Variants in DMD observed in about 807,000 individuals in gnomAD.
DMD encodes mutant dystrophin.
In DMD, 63 loss-of-function variants were observed where a neutral mutation model predicts 330.1. The ratio of observed to expected loss-of-function variants is 0.19; its 90% CI spans 0.16 to 0.24. DMD has a LOEUF of 0.24. DMD is among the 10% of genes least tolerant of loss of function. DMD has a pLI of 1.00. For synonymous variants in DMD, 1,223 were observed against 959.8 expected (o/e 1.27, Z -5.07); for missense variants, 3,344 against 2,684.1 (o/e 1.25, Z -5.43).
chrX:32,617,166 T>C (rs1389752287), intron 11 of DMD, among the ~76,000 whole-genome samples: 3 of 110,545 alleles, frequency 2.7e-5, no homozygotes, highest in Non-Finnish European at 5.7e-5. Context: ...TAGAAAACTA[T>C]GGGCATTTGC....
intron 20 of DMD, among the ~76,000 whole-genome samples, chrX:32,490,329 G>A (rs1327096918): frequency 8.9e-6 from 1 of 111,886 alleles, no homozygotes; most frequent in Admixed American, 9.5e-5. Context: ...AATGAAAACA[G>A]TTTAGGCTAT....
chrX:31,929,820 G>T, intron 46 of DMD, 75 bp from the exon 47 acceptor site: 2 of 1,143,088 alleles, frequency 1.7e-6, no homozygotes, highest in South Asian at 1.8e-5. Flanking sequence ...TGCTTCTATT[G>T]ATTAGTCTAT....
chrX:31,724,304 G>A (rs764616492), intron 52 of DMD, among the ~76,000 whole-genome samples: 7 of 112,229 alleles, frequency 6.2e-5, no homozygotes, highest in Admixed American at 1.9e-4. Flanking sequence ...TTTTTATTTC[G>A]CCATGAAGGA....
At chrX:32,901,834 A>T (rs1388712641) in intron 2 of DMD, among the ~76,000 whole-genome samples, 1 of 110,301 alleles carries the variant, frequency 9.1e-6, no homozygotes, top group Non-Finnish European at 1.9e-5. Context: ...ACTTATTGAG[A>T]TATTTGTAAT....
chrX:33,332,652 CT>C (rs2054196877), intron 1 of DMD, among the ~76,000 whole-genome samples: 1 of 111,351 alleles, frequency 9.0e-6, no homozygotes, highest in Non-Finnish European at 1.9e-5. Flanking sequence ...TATTTATCTC[CT>C]TTCTAAAACA....
chrX:32,849,989 T>A (rs1224506581), intron 2 of DMD, among the ~76,000 whole-genome samples, 169 bp from the exon 3 acceptor site: 2 of 111,453 alleles, frequency 1.8e-5, no homozygotes, highest in Admixed American at 9.5e-5. Flanking sequence ...ACAAAAAAAA[T>A]TTAAAAATTT....
intron 62 of DMD, among the ~76,000 whole-genome samples, chrX:31,321,519 G>A (rs1346098093): frequency 9.9e-6 from 1 of 101,214 alleles, no homozygotes; most frequent in African/African-American, 3.7e-5. Flanking sequence ...GGGAGGCAGG[G>A]GTTGCAGTGA....
chrX:32,389,357 G>C, intron 32 of DMD, 144 bp downstream of exon 32: 1 of 622,386 alleles, frequency 1.6e-6, no homozygotes, highest in East Asian at 3.6e-5. Context: ...CACAATACAT[G>C]TGCCAATTTT....
chrX:31,723,531 T>G (rs2085743137), intron 52 of DMD, among the ~76,000 whole-genome samples: 1 of 109,070 alleles, frequency 9.2e-6, no homozygotes, highest in Admixed American at 9.9e-5. Flanking sequence ...CAATTTCACT[T>G]CTTTCTTTTT....
chrX:32,083,057 C>T (rs1417541905), intron 44 of DMD, among the ~76,000 whole-genome samples: 3 of 111,778 alleles, frequency 2.7e-5, no homozygotes, highest in Non-Finnish European at 5.6e-5. Flanking sequence ...CTAGCTAACA[C>T]CCTGGATGAA....
intron 7 of DMD, among the ~76,000 whole-genome samples, chrX:32,759,960 AAGAT>A (rs1260662478): frequency 1.8e-5 from 2 of 111,874 alleles, no homozygotes; most frequent in African/African-American, 3.3e-5. Context: ...ACTGTAAAAT[AAGAT>A]AGAGGATAAA....
At chrX:31,859,353 C>A (rs2093664163) in intron 48 of DMD, among the ~76,000 whole-genome samples, 1 of 111,666 alleles carries the variant, frequency 9.0e-6, no homozygotes, top group Admixed American at 9.5e-5. Flanking sequence ...TCTCACTGCC[C>A]AGTATGGGAA....
At chrX:32,336,926 G>A (rs1326020228) in intron 41 of DMD, among the ~76,000 whole-genome samples, 2 of 111,545 alleles carry the variant, frequency 1.8e-5, no homozygotes, top group African/African-American at 6.5e-5. Context: ...GTGATAGGAA[G>A]GGGCTACATC....
At chrX:32,272,645 G>C (rs2097369627) in intron 43 of DMD, among the ~76,000 whole-genome samples, 3 of 111,642 alleles carry the variant, frequency 2.7e-5, no homozygotes. Flanking sequence ...TCATGTGTGA[G>C]CTTAAGACAA....
intron 44 of DMD, among the ~76,000 whole-genome samples, chrX:32,020,029 A>G (rs2095795655): frequency 8.9e-6 from 1 of 112,759 alleles, no homozygotes; most frequent in Admixed American, 9.3e-5. Context: ...AAGGGTTTGT[A>G]GTTCTATTGC....
At chrX:32,485,141 G>A in intron 20 of DMD, 42 bp from the exon 21 acceptor site, 1 of 1,158,586 alleles carries the variant, frequency 8.6e-7, no homozygotes, top group Non-Finnish European at 1.2e-6. Flanking sequence ...CGTTTACTTT[G>A]CATACATTAC....
At chrX:32,297,228 A>C (rs913321217) in intron 42 of DMD, among the ~76,000 whole-genome samples, 3 of 101,870 alleles carry the variant, frequency 2.9e-5, no homozygotes, top group African/African-American at 1.1e-4. Context: ...ACCATGAGAC[A>C]GTCATATTTT....
chrX:32,360,900 C>A (rs1050553546), intron 37 of DMD, among the ~76,000 whole-genome samples: 1 of 110,473 alleles, frequency 9.1e-6, no homozygotes, highest in Non-Finnish European at 1.9e-5. Flanking sequence ...TAGAGTGGAT[C>A]ACTTTATGCA....
chrX:32,551,389 C>T (rs973196840), intron 16 of DMD, among the ~76,000 whole-genome samples: 2 of 111,601 alleles, frequency 1.8e-5, no homozygotes, highest in Non-Finnish European at 3.8e-5. Context: ...TCAAAAACCA[C>T]ATGATCATTT....
Sources: allele counts gnomAD v4.1 joint callset (sites outside exome capture counted in the v4.1 genomes callset), GRCh38; gene constraint gnomAD v4.1.1; transcripts MANE v1.5; gene names NCBI Gene and HGNC (gene_info 2026-07-23, HGNC 2026-07-21).